The following CDH4 variants were observed in gnomAD, a reference collection of about 807,000 sequenced individuals.
The protein encoded by CDH4 is cadherin 4.
In CDH4, 33 loss-of-function variants were observed where a neutral mutation model predicts 86.0. The observed-to-expected ratio is 0.38, with a 90% CI of 0.29 to 0.51. The LOEUF (loss-of-function observed/expected upper bound fraction) is 0.51, where lower values mean the gene tolerates loss of function less well. CDH4 is among the 20% of genes least tolerant of loss of function. The pLI, the probability that CDH4 is intolerant of heterozygous loss-of-function variation, is 0.86. For missense variants in CDH4, 1,114 were observed against 1,307.4 expected (o/e 0.85, Z 2.28); for synonymous variants, 555 against 549.4 (o/e 1.01, Z -0.14).
chr20:61,516,059 G>T lies in CDH4; in HGVS notation c.170-227504G>T, dbSNP rs565141551. Among the ~76,000 whole-genome samples, 1 of 152,044 alleles carries T rather than the reference G, an allele frequency of 6.6e-6. No individual in the cohort carries two copies. Among genetic ancestry groups the T allele is most frequent in the African/African-American group, 2.4e-5 (1 of 41,408 alleles). ...AACGCCCCCCCAATACGATTCCACC[G>T]CAGGCAGGCAGCTCCCTCACCACAG... is the stretch of plus-strand genomic sequence containing the variant. On this transcript the variant is annotated intron_variant, in intron 2 of 15. Coordinates refer to ENST00000614565, the MANE Select transcript of CDH4 (RefSeq NM_001794.5). This position sits in a 1 kb window ranked among gnomAD's most constrained non-coding sequence, Gnocchi z 4.0.
At chr20:61,624,374 G>A (rs993793122) in intron 2 of CDH4, among the ~76,000 whole-genome samples, 11 of 152,188 alleles carry the variant, frequency 7.2e-5, no homozygotes, top group Non-Finnish European at 1.2e-4. Context: ...TCCCAGCATC[G>A]GGCAGACATG....
intron 2 of CDH4, among the ~76,000 whole-genome samples, chr20:61,555,612 C>T (rs1001387323): frequency 7.9e-5 from 12 of 152,346 alleles, no homozygotes; most frequent in South Asian, 6.2e-4. Context: ...GAGACTAAAA[C>T]GGATTTGATG....
intron 2 of CDH4, among the ~76,000 whole-genome samples, chr20:61,669,239 G>A (rs1038979215): frequency 6.6e-6 from 1 of 152,242 alleles, no homozygotes; most frequent in Non-Finnish European, 1.5e-5. Flanking sequence ...GGCCTGGAGA[G>A]TTAAAGGGAG....
At chr20:61,646,887 G>A (rs547951090) in intron 2 of CDH4, among the ~76,000 whole-genome samples, 1 of 152,210 alleles carries the variant, frequency 6.6e-6, no homozygotes, top group Non-Finnish European at 1.5e-5. Flanking sequence ...CCAGTGTACT[G>A]GAATACTGAA....
At chr20:61,853,398 G>A (rs547353091) in intron 6 of CDH4, among the ~76,000 whole-genome samples, 81 of 152,272 alleles carry the variant, frequency 5.3e-4, no homozygotes, top group Non-Finnish European at 8.8e-4. Context: ...CAAGCAAAAC[G>A]GGAAGCGAGA....
At chr20:61,331,722 T>TGCCCCA (rs2084580991) in intron 2 of CDH4, among the ~76,000 whole-genome samples, 1 of 129,436 alleles carries the variant, frequency 7.7e-6, no homozygotes, top group African/African-American at 2.9e-5. Context: ...CCCGACCACC[T>TGCCCCA]GACAGAAATG....
intron 2 of CDH4, among the ~76,000 whole-genome samples, chr20:61,312,019 ATG>A (rs1181411817): frequency 2.0e-5 from 3 of 151,718 alleles, no homozygotes; most frequent in Admixed American, 1.3e-4. Flanking sequence ...TTGTGCATAT[ATG>A]TGTTTGCATG....
intron 2 of CDH4, among the ~76,000 whole-genome samples, chr20:61,488,000 C>T (rs1328981069): frequency 6.6e-6 from 1 of 152,192 alleles, no homozygotes; most frequent in Non-Finnish European, 1.5e-5. Context: ...CCCCCAGAGG[C>T]AAATGGAGGC....
intron 2 of CDH4, among the ~76,000 whole-genome samples, chr20:61,314,017 G>T (rs1009090843): frequency 6.6e-6 from 1 of 152,356 alleles, no homozygotes; most frequent in Admixed American, 6.5e-5. Context: ...TTACAGGCGT[G>T]AGCCACAGCA....
At chr20:61,715,024 A>G (rs1210723712) in intron 2 of CDH4, among the ~76,000 whole-genome samples, 1 of 152,226 alleles carries the variant, frequency 6.6e-6, no homozygotes, top group Non-Finnish European at 1.5e-5. Flanking sequence ...TTACATTCCC[A>G]TCAGCAATGT....
intron 2 of CDH4, among the ~76,000 whole-genome samples, chr20:61,448,952 T>C (rs1011344385): frequency 1.3e-5 from 2 of 152,202 alleles, no homozygotes; most frequent in Admixed American, 1.3e-4. Flanking sequence ...CTGCAGTGTC[T>C]GGATTCTACA....
chr20:61,590,627 C>A (rs1600787562), intron 2 of CDH4, among the ~76,000 whole-genome samples: 1 of 152,122 alleles, frequency 6.6e-6, no homozygotes, highest in East Asian at 1.9e-4. Context: ...TGGAACCTTC[C>A]CTCTGCCAGG....
At chr20:61,531,498 G>A (rs1408738226) in intron 2 of CDH4, among the ~76,000 whole-genome samples, 1 of 142,730 alleles carries the variant, frequency 7.0e-6, no homozygotes, top group African/African-American at 2.8e-5. Flanking sequence ...AAAAAAAAGG[G>A]ATTTAGCAAA....
chr20:61,936,754 C>T lies in CDH4; in HGVS notation c.2562C>T (p.Asp854=), dbSNP rs2055195569. The change falls in exon 16 of 16, where the codon GAC becomes GAT. Residue 854 remains aspartate, a synonymous_variant. Transcript: ENST00000614565. ...DFINEGLRAA[D]NDPTAPPYDS... Reference sequence around the variant, plus strand: ...ACCCCCAGGGACTCCGCGCTGCTGACAACGACCCCACGGCACCCCCCTATG... The same window carrying T: ...ACCCCCAGGGACTCCGCGCTGCTGATAACGACCCCACGGCACCCCCCTATG... The T allele has an allele frequency of 6.2e-7, 1 of 1,603,962 alleles. No homozygotes were observed.
At chr20:61,874,254 G>A (rs1025344531) in intron 7 of CDH4, among the ~76,000 whole-genome samples, 3 of 152,058 alleles carry the variant, frequency 2.0e-5, no homozygotes, top group African/African-American at 7.2e-5. Context: ...GAACACACAC[G>A]CCTGCCTTGA....
rs143204216 is a variant in CDH4, at chr20:61,787,752, G to C, written c.576+14570G>C. On this transcript the variant is annotated intron_variant, in intron 4 of 15. Transcript: ENST00000614565. The stretch of plus-strand genomic sequence containing the variant: ...GATTTCAGATAAGGTGGCCAAGAAA[G>C]TCACTTCTGAGAGGACTGAATGCAG... 3.2e-3 allele frequency among the ~76,000 whole-genome samples: 485 copies of C among 152,346 alleles called. 3 individuals carry two copies. The highest frequency in any genetic ancestry group is 0.011 in the African/African-American group (458 of 41,572).
At chr20:61,614,279 T>C (rs1197633206) in intron 2 of CDH4, among the ~76,000 whole-genome samples, 1 of 152,066 alleles carries the variant, frequency 6.6e-6, no homozygotes, top group Non-Finnish European at 1.5e-5. Flanking sequence ...AGAAAGGGGC[T>C]GGGGCTGGAA....
chr20:61,734,805 C>A (rs1471232603), intron 2 of CDH4, among the ~76,000 whole-genome samples: 3 of 152,210 alleles, frequency 2.0e-5, no homozygotes, highest in Non-Finnish European at 4.4e-5. Context: ...CCCCACCCAG[C>A]ACGTGGACAC....
At chr20:61,411,638 A>C (rs1224238171) in intron 2 of CDH4, among the ~76,000 whole-genome samples, 1 of 152,112 alleles carries the variant, frequency 6.6e-6, no homozygotes, top group South Asian at 2.1e-4. Flanking sequence ...TACGTTGAAC[A>C]GCTCATTTTG....
Sources: gnomAD v4.1 joint callset for allele counts (sites outside exome capture counted in the v4.1 genomes callset) on GRCh38, gnomAD v4.1.1 for gene constraint, Gnocchi (gnomAD v3.1) non-coding constraint, MANE v1.5 for transcripts, NCBI Gene and HGNC (gene_info 2026-07-23, HGNC 2026-07-21) for gene names.